The following GSDME variants were observed in gnomAD, a reference collection of about 807,000 sequenced individuals.
The protein encoded by GSDME is gasdermin E.
In GSDME, 44 loss-of-function variants were observed where a neutral mutation model predicts 47.5. That is an observed-to-expected ratio of 0.93 (90% confidence interval 0.73 to 1.19). GSDME has a LOEUF of 1.19. Ranked by LOEUF, GSDME falls within the 50% of genes most tolerant of loss-of-function variation. The pLI, the probability that GSDME is intolerant of heterozygous loss-of-function variation, is 0.00. For synonymous variants in GSDME, 258 were observed against 252.8 expected (o/e 1.02, Z -0.20); for missense variants, 663 against 604.2 (o/e 1.10, Z -1.02).
chr7:24,737,777 G>A (rs930885025), intron 3 of GSDME, among the ~76,000 whole-genome samples: 1 of 151,676 alleles, frequency 6.6e-6, no homozygotes, highest in Non-Finnish European at 1.5e-5. Context: ...ACATTAAAAA[G>A]ATAATTTATC....
intron 1 of GSDME, among the ~76,000 whole-genome samples, chr7:24,751,356 T>C (rs111941655): frequency 2.2e-4 from 34 of 152,346 alleles, no homozygotes; most frequent in Non-Finnish European, 4.4e-4. Flanking sequence ...AAGAACTGCT[T>C]TTTATTTTTG....
At position 24,747,876 on chromosome 7, in the gene GSDME, C is replaced by T. The variant is rs898737451; in HGVS notation, c.211+1688G>A. 5.9e-5 allele frequency among the ~76,000 whole-genome samples: 9 copies of T among 151,908 alleles called. 1 individual carries two copies. The highest frequency in any genetic ancestry group is 1.3e-4 in the Non-Finnish European group (9 of 68,010). The stretch of plus-strand genomic sequence containing the variant: ...TAGAGATGGGGTTTGCCACGTTGCC[C>T]AGGCTAGCCTCAAACTCCTGGGCTC... On this transcript the variant is annotated intron_variant, in intron 2 of 9. Coordinates refer to ENST00000645220, the MANE Select transcript of GSDME (RefSeq NM_001127453.2).
At position 24,744,829 on chromosome 7, in the gene GSDME, C is replaced by T; in HGVS notation, c.212-75G>A. The T allele has an allele frequency of 1.3e-6, 2 of 1,512,882 alleles. No individual in the cohort carries two copies. Among genetic ancestry groups the T allele is most frequent in the Non-Finnish European group, 1.8e-6 (2 of 1,102,664 alleles). The allele number at this position is 1,512,882 out of a possible 1,614,324, so 93.7% of individuals were successfully genotyped here. ...AGATGTCTTGGGTCATTTAGCTTTC[C>T]AAGCCTGTGCAGAGCCCCGGAAAGC... On this transcript the variant is annotated intron_variant, in intron 2 of 9. Coordinates refer to ENST00000645220, the MANE Select transcript of GSDME (RefSeq NM_001127453.2). The surrounding 1 kb of genome is among the most constrained non-coding windows in gnomAD (Gnocchi z 4.5).
At chr7:24,765,860 G>A in the GSDME span, among the ~76,000 whole-genome samples, 16 of 151,930 alleles carry the variant, frequency 1.1e-4, no homozygotes, top group Admixed American at 1.0e-3. Flanking sequence ...AATTATTATT[G>A]TCCCTATTTT....
At chr7:24,707,166 T>G in intron 7 of GSDME, 1 of 376,004 alleles carries the variant, frequency 2.7e-6, no homozygotes, top group Non-Finnish European at 5.3e-6. Flanking sequence ...CACAATCTAA[T>G]TTCAAGAGAG....
Position 24,698,911 on chromosome 7 carries a change from C to T in GSDME, c.*115G>A, listed in dbSNP as rs985114463. On this transcript the variant is annotated 3_prime_UTR_variant, in exon 10 of 10. Transcript: ENST00000645220. ...TTCATCATGCAAAATGTCACCACTT[C>T]TTAAACTGTTCTGTAAATTCATTTC... 2.4e-6 allele frequency: 2 copies of T among 818,082 alleles called. No homozygotes were observed. The highest frequency in any genetic ancestry group is 3.4e-5 in the African/African-American group (2 of 59,132). 50.7% of individuals were successfully genotyped at this position (818,082 alleles called of 1,614,324 possible).
At chr7:24,722,850 G>C (rs1464535846) in intron 3 of GSDME, among the ~76,000 whole-genome samples, 1 of 152,226 alleles carries the variant, frequency 6.6e-6, no homozygotes, top group African/African-American at 2.4e-5. Context: ...TCCGATGACA[G>C]GGCAGTCCTG....
the GSDME span, among the ~76,000 whole-genome samples, chr7:24,779,775 T>C: frequency 1.3e-5 from 2 of 152,202 alleles, no homozygotes; most frequent in Non-Finnish European, 2.9e-5. This position sits in a 1 kb window ranked among gnomAD's most constrained non-coding sequence, Gnocchi z 6.0. Context: ...GGCTCGCCCC[T>C]TCTTGGCCTC....
At chr7:24,741,558 A>G (rs1434926788) in intron 3 of GSDME, among the ~76,000 whole-genome samples, 1 of 152,132 alleles carries the variant, frequency 6.6e-6, no homozygotes, top group African/African-American at 2.4e-5. Flanking sequence ...TGTTTTTGAT[A>G]TGTGCACACA....
At chr7:24,706,817 C>T (rs554739927) in intron 7 of GSDME, among the ~76,000 whole-genome samples, 62 of 152,326 alleles carry the variant, frequency 4.1e-4, no homozygotes, top group African/African-American at 1.5e-3. Context: ...TGGAGTGAGG[C>T]GACCCTGCTG....
At chr7:24,793,964 G>T in the GSDME span, among the ~76,000 whole-genome samples, 38 of 152,250 alleles carry the variant, frequency 2.5e-4, no homozygotes, top group East Asian at 7.1e-3. Context: ...GGAAGGCTAC[G>T]GGTTGTCAGT....
intron 2 of GSDME, among the ~76,000 whole-genome samples, chr7:24,746,999 T>C (rs1314123603): frequency 6.6e-6 from 1 of 152,246 alleles, no homozygotes; most frequent in African/African-American, 2.4e-5. Context: ...GGATGAGCTC[T>C]GACCCCAGAT....
At chr7:24,770,667 AG>A in the GSDME span, among the ~76,000 whole-genome samples, 2 of 152,198 alleles carry the variant, frequency 1.3e-5, no homozygotes, top group Non-Finnish European at 2.9e-5. The surrounding 1 kb of genome is among the most constrained non-coding windows in gnomAD (Gnocchi z 4.6). Context: ...CACCCCAGAA[AG>A]AACCTAAGAG....
chr7:24,747,366 C>A (rs1257102275), intron 2 of GSDME, among the ~76,000 whole-genome samples: 1 of 152,218 alleles, frequency 6.6e-6, no homozygotes, highest in Non-Finnish European at 1.5e-5. Flanking sequence ...TGAAGATTAT[C>A]TGTAAACTCA....
chr7:24,717,124 CT>C, intron 5 of GSDME, 129 bp downstream of exon 5: 1 of 1,044,388 alleles, frequency 9.6e-7, no homozygotes, highest in Non-Finnish European at 1.5e-6. Context: ...ACAATCTACG[CT>C]CTTCAGACCT....
rs763018380 is a variant in GSDME at position 24,716,290 on chromosome 7, C to T, written c.697+964G>A. ...CCCTCTCAGCCAAGCCTCCTTCCCT[C>T]GGCAGCTGCCCATGCTCACACCCTT... On this transcript the variant is annotated intron_variant, in intron 5 of 9. Coordinates refer to ENST00000645220, the MANE Select transcript of GSDME (RefSeq NM_001127453.2). This position sits in a 1 kb window ranked among gnomAD's most constrained non-coding sequence, Gnocchi z 4.5. Among the ~76,000 whole-genome samples the T allele has an allele frequency of 1.2e-4, 18 of 152,226 alleles. No homozygotes were observed. The highest frequency in any genetic ancestry group is 2.5e-4 in the Non-Finnish European group (17 of 68,042).
At chr7:24,738,619 G>GA (rs1381117234) in intron 3 of GSDME, among the ~76,000 whole-genome samples, 2 of 151,404 alleles carry the variant, frequency 1.3e-5, no homozygotes, top group Non-Finnish European at 2.9e-5. Context: ...CACAGCAATA[G>GA]AAAAAAAACT....
At chr7:24,781,075 G>A in the GSDME span, among the ~76,000 whole-genome samples, 1 of 152,154 alleles carries the variant, frequency 6.6e-6, no homozygotes, top group Non-Finnish European at 1.5e-5. Context: ...TATGTACCAT[G>A]AAAAGCGCAT....
chr7:24,774,645 G>T, the GSDME span, among the ~76,000 whole-genome samples: 1 of 152,034 alleles, frequency 6.6e-6, no homozygotes, highest in Non-Finnish European at 1.5e-5. Context: ...CAATTCTCCT[G>T]CCTCAGCTTC....
Sources: gnomAD v4.1 joint callset for allele counts (sites outside exome capture counted in the v4.1 genomes callset) on GRCh38, gnomAD v4.1.1 for gene constraint, Gnocchi (gnomAD v3.1) non-coding constraint, MANE v1.5 for transcripts, NCBI Gene and HGNC (gene_info 2026-07-23, HGNC 2026-07-21) for gene names.